PDSS2: variants seen among roughly 807,000 people sequenced by gnomAD.
PDSS2 encodes the protein all trans-polyprenyl-diphosphate synthase PDSS2.
In PDSS2, 31 loss-of-function variants were observed where a neutral mutation model predicts 44.5. The ratio of observed to expected loss-of-function variants is 0.70; its 90% CI spans 0.52 to 0.94. PDSS2 has a LOEUF of 0.94. Among genes scored for constraint, PDSS2 ranks in the 40% least tolerant of loss-of-function variants. The pLI, the probability that PDSS2 is intolerant of heterozygous loss-of-function variation, is 0.00. For synonymous variants in PDSS2, 157 were observed against 180.3 expected (o/e 0.87, Z 1.03); for missense variants, 452 against 482.2 (o/e 0.94, Z 0.59).
chr6:107,358,405 T>C (rs1217926248), intron 1 of PDSS2, among the ~76,000 whole-genome samples: 4 of 152,232 alleles, frequency 2.6e-5, no homozygotes, highest in Admixed American at 6.5e-5. Flanking sequence ...TTTGATGTTA[T>C]TTCAAACTGC....
At chr6:107,226,180 G>C (rs1773813621) in intron 4 of PDSS2, among the ~76,000 whole-genome samples, 1 of 152,102 alleles carries the variant, frequency 6.6e-6, no homozygotes, top group Non-Finnish European at 1.5e-5. Flanking sequence ...GTGGTAGCAG[G>C]CGCCTGTAGT....
chr6:107,446,729 G>A (rs1781694855), intron 1 of PDSS2, among the ~76,000 whole-genome samples: 1 of 152,112 alleles, frequency 6.6e-6, no homozygotes, highest in African/African-American at 2.4e-5. Flanking sequence ...AATGCCAGAT[G>A]TTTATAAAAC....
rs544000102 is a variant in PDSS2 at position 107,310,780 on chromosome 6, T to A, written c.431+23418A>T. ...ATACATTTGTGTGCTAAATTTTCCC[T>A]GTTAATCTGTCTATTGTCAGTTTAT... On this transcript the variant is annotated intron_variant, in intron 2 of 7. Transcript: ENST00000369037. 4.6e-5 allele frequency among the ~76,000 whole-genome samples: 7 copies of A among 152,336 alleles called. No individual in the cohort carries two copies. In the South Asian group the frequency reaches 8.3e-4, roughly 18 times the overall value.
chr6:107,154,882 G>T, intron 7 of PDSS2, 105 bp from the exon 8 acceptor site: 3 of 969,648 alleles, frequency 3.1e-6, no homozygotes, highest in Non-Finnish European at 4.9e-6. Flanking sequence ...GGGAGAAATA[G>T]TATAGATTGA....
rs763229733 is a variant in PDSS2 at position 107,212,203 on chromosome 6, T to G, written c.782A>C (p.Lys261Thr). 2 of 1,614,002 alleles carry G rather than the reference T, an allele frequency of 1.2e-6. No individual in the cohort carries two copies. The highest frequency in any genetic ancestry group is 1.7e-6 in the Non-Finnish European group (2 of 1,179,874). ...TAATTCCATTGCAGCTTGGCAGCTC[T>G]TTGCTAGTAAGGCACCATGGGAGAG... ...TFLSHGALLA[K>T]SCQAAMELAK... Residue 261 changes from lysine to threonine, a missense_variant, in exon 5 of 8, where the codon AAG (lysine) becomes ACG (threonine). Lys to Thr is a moderately conservative substitution (Grantham distance 78, BLOSUM62 -1). Coordinates refer to ENST00000369037, the MANE Select transcript of PDSS2 (RefSeq NM_020381.4).
Position 107,183,681 on chromosome 6 carries a change from C to T in PDSS2, c.1041+10141G>A, listed in dbSNP as rs1170183479. Among the ~76,000 whole-genome samples the T allele has an allele frequency of 2.6e-5, 4 of 152,034 alleles. 1 individual carries two copies. The highest frequency in any genetic ancestry group is 4.2e-4 in the South Asian group (2 of 4,812). The stretch of plus-strand genomic sequence containing the variant: ...TTGGGAGGCCAAGGCAGGCAGATCA[C>T]GAGGTCAGGAGTTGGAGACCAACCT... On this transcript the variant is annotated intron_variant, in intron 7 of 7. Transcript: ENST00000369037.
chr6:107,258,845 GA>G (rs1297148116), intron 3 of PDSS2, among the ~76,000 whole-genome samples: 2 of 152,066 alleles, frequency 1.3e-5, no homozygotes. Context: ...TGTTTGTATT[GA>G]AATATGTATT....
In PDSS2 at chr6:107,274,193, G is replaced by C; in HGVS notation, c.466C>G (p.His156Asp). The C allele has an allele frequency of 6.2e-7, 1 of 1,613,972 alleles. No homozygotes were observed. The highest frequency in any genetic ancestry group is 8.5e-7 in the Non-Finnish European group (1 of 1,179,840). The change falls in exon 3 of 8, where the codon CAT (histidine) becomes GAT (aspartate). Residue 156 changes from histidine (H) to aspartate (D), a missense_variant. Physicochemically the swap from His to Asp is moderately conservative, Grantham distance 81. Coordinates refer to ENST00000369037, the MANE Select transcript of PDSS2 (RefSeq NM_020381.4). ...RSLAEITELIHIALLVHRGIV... is the reference protein window; with the variant it reads ...RSLAEITELIDIALLVHRGIV... ...CCACGATGTACAAGGAGAGCAATATGAATTAGCTCCGTGATCTCTGCCAAA... is the reference window on the plus strand; with the variant it reads ...CCACGATGTACAAGGAGAGCAATATCAATTAGCTCCGTGATCTCTGCCAAA...
chr6:107,396,633 T>C (rs1029449155), intron 1 of PDSS2, among the ~76,000 whole-genome samples: 1 of 152,054 alleles, frequency 6.6e-6, no homozygotes, highest in Admixed American at 6.6e-5. Context: ...GTTGATGTTA[T>C]TTGCCACAGA....
intron 7 of PDSS2, among the ~76,000 whole-genome samples, chr6:107,156,132 C>T (rs1221074385): frequency 1.3e-5 from 2 of 151,450 alleles, no homozygotes; most frequent in African/African-American, 4.9e-5. Context: ...TCAGGCAATC[C>T]GCCTGCCTCA....
rs1770802824 is a variant in PDSS2 at position 107,154,193 on chromosome 6, C to T, written c.*426G>A. The T allele has an allele frequency of 5.0e-6, 1 of 200,276 alleles. No homozygotes were observed. Among genetic ancestry groups the T allele is most frequent in the African/African-American group, 2.4e-5 (1 of 42,498 alleles). The allele number at this position is 200,276 out of a possible 1,614,324, so 12.4% of individuals were successfully genotyped here. A position where few individuals can be genotyped will look rare whatever the true frequency, so the allele number is the denominator to read the frequency against. ...AATTGGTCACTAGTTTTTGATTAGACAATCCTCCCTGGTTGGTATTGAGAG... is the reference window on the plus strand; with the variant it reads ...AATTGGTCACTAGTTTTTGATTAGATAATCCTCCCTGGTTGGTATTGAGAG... On this transcript the variant is annotated 3_prime_UTR_variant, in exon 8 of 8. Transcript: ENST00000369037.
intron 1 of PDSS2, among the ~76,000 whole-genome samples, chr6:107,372,010 TAG>T (rs1448753337): frequency 6.6e-6 from 1 of 152,210 alleles, no homozygotes; most frequent in Non-Finnish European, 1.5e-5. Context: ...ACCAAGAAAC[TAG>T]ACTCTTGTTT....
At chr6:107,194,093 C>T (rs1490683918) in intron 6 of PDSS2, among the ~76,000 whole-genome samples, 5 of 152,150 alleles carry the variant, frequency 3.3e-5, no homozygotes, top group Admixed American at 6.5e-5. Context: ...GTGGATGTCA[C>T]GACTCTTAAT....
At chr6:107,412,178 G>A (rs575288966) in intron 1 of PDSS2, among the ~76,000 whole-genome samples, 22 of 149,868 alleles carry the variant, frequency 1.5e-4, no homozygotes, top group East Asian at 3.9e-4. Flanking sequence ...GTCAGCCACC[G>A]CGCCTGGCAA....
chr6:107,428,406 G>A (rs1250062030), intron 1 of PDSS2, among the ~76,000 whole-genome samples: 2 of 152,202 alleles, frequency 1.3e-5, no homozygotes, highest in Non-Finnish European at 2.9e-5. Context: ...TGAATGCCGT[G>A]ACTAAGGCAA....
chr6:107,187,710 T>G (rs551261664), intron 7 of PDSS2, among the ~76,000 whole-genome samples: 1 of 150,864 alleles, frequency 6.6e-6, no homozygotes, highest in Non-Finnish European at 1.5e-5. Context: ...GAGTCTACGG[T>G]CCTCGATCCC....
rs543926149 is a variant in PDSS2 at position 107,380,860 on chromosome 6, C to T, written c.297-46528G>A. Among the ~76,000 whole-genome samples, 4 of 152,294 alleles carry T rather than the reference C, an allele frequency of 2.6e-5. No individual in the cohort carries two copies. In the South Asian group the frequency reaches 8.3e-4, roughly 32 times the overall value. On this transcript the variant is annotated intron_variant, in intron 1 of 7. Coordinates refer to ENST00000369037, the MANE Select transcript of PDSS2 (RefSeq NM_020381.4). Reference sequence around the variant, plus strand: ...GGAGTGACAGCTTCCAAACTTTTTACATGTGACAGGAGAAACTGGAAGTCA... The same window carrying T: ...GGAGTGACAGCTTCCAAACTTTTTATATGTGACAGGAGAAACTGGAAGTCA...
chr6:107,242,341 G>A (rs901867185), intron 4 of PDSS2, among the ~76,000 whole-genome samples: 1 of 152,068 alleles, frequency 6.6e-6, no homozygotes, highest in African/African-American at 2.4e-5. Flanking sequence ...TTGGCTCACT[G>A]CAAGCTCCGC....
intron 7 of PDSS2, among the ~76,000 whole-genome samples, chr6:107,157,552 A>C (rs74764485): frequency 7.9e-5 from 12 of 152,082 alleles, no homozygotes; most frequent in African/African-American, 2.7e-4. Context: ...AAGCTCCCCA[A>C]ATTCCACCTG....
Sources: allele counts gnomAD v4.1 joint callset (sites outside exome capture counted in the v4.1 genomes callset), GRCh38; gene constraint gnomAD v4.1.1; transcripts MANE v1.5; gene names NCBI Gene and HGNC (gene_info 2026-07-23, HGNC 2026-07-21).